MYT1L: variants seen among roughly 807,000 people sequenced by gnomAD.
MYT1L encodes myelin transcription factor 1 like.
MYT1L carries 12 observed loss-of-function variants against 126.7 expected under a neutral mutation model. That is an observed-to-expected ratio of 0.09 (90% CI 0.06 to 0.15). The LOEUF (loss-of-function observed/expected upper bound fraction) is 0.15. MYT1L is among the 10% of genes least tolerant of loss of function. The probability of loss-of-function intolerance (pLI) is 1.00; values close to 1 mark genes in which losing one functional copy is unlikely to be tolerated. For missense variants in MYT1L, 979 were observed against 1,585.2 expected, an observed-to-expected ratio of 0.62 and a Z score of 6.49; for synonymous variants, 541 against 604.2, an observed-to-expected ratio of 0.90 and a Z score of 1.53.
chr2:2,239,498 G>A (rs1368945243), intron 2 of MYT1L, among the ~76,000 whole-genome samples: 1 of 152,188 alleles, frequency 6.6e-6, no homozygotes, highest in East Asian at 1.9e-4. Flanking sequence ...GCAGTTACTG[G>A]TTACTTATAG....
chr2:2,138,845 TA>T (rs762275890), intron 3 of MYT1L, among the ~76,000 whole-genome samples: 8,286 of 129,800 alleles, frequency 0.064, 237 homozygotes, highest in Non-Finnish European at 0.077. Flanking sequence ...AAAGTATAAT[TA>T]AAAAAAAAAA....
chr2:1,800,391 G>C (rs541416495), intron 23 of MYT1L: 1 of 152,372 alleles, frequency 6.6e-6, no homozygotes, highest in East Asian at 1.9e-4. Flanking sequence ...ACAGCCCCTG[G>C]GGCTACCAGG....
intron 21 of MYT1L, among the ~76,000 whole-genome samples, chr2:1,823,320 C>T (rs2038825347): frequency 6.6e-6 from 1 of 152,192 alleles, no homozygotes; most frequent in African/African-American, 2.4e-5. Context: ...GCTGTTGTTG[C>T]TGTGGTTGTG....
intron 3 of MYT1L, among the ~76,000 whole-genome samples, chr2:2,116,754 A>G (rs552244850): frequency 1.3e-4 from 20 of 152,336 alleles, no homozygotes; most frequent in African/African-American, 4.1e-4. Flanking sequence ...TGACCACCTT[A>G]GGACCACCAG....
At chr2:2,147,047 C>G (rs1015946666) in intron 3 of MYT1L, among the ~76,000 whole-genome samples, 2 of 152,198 alleles carry the variant, frequency 1.3e-5, no homozygotes, top group African/African-American at 4.8e-5. Context: ...AATTGGGCTG[C>G]TGCAGTTATT....
chr2:2,272,401 G>T (rs549822244), intron 2 of MYT1L, among the ~76,000 whole-genome samples: 92 of 152,324 alleles, frequency 6.0e-4, no homozygotes, highest in African/African-American at 2.2e-3. Context: ...CAGAGGTGCT[G>T]CCTGCCCAAG....
chr2:2,227,986 CT>C (rs2094057156), intron 2 of MYT1L, among the ~76,000 whole-genome samples: 1 of 152,224 alleles, frequency 6.6e-6, no homozygotes, highest in South Asian at 2.1e-4. Context: ...TTAACTCCAT[CT>C]TGCAGTTGAG....
At chr2:1,843,332 G>A (rs994383031) in intron 19 of MYT1L, among the ~76,000 whole-genome samples, 13 of 152,196 alleles carry the variant, frequency 8.5e-5, no homozygotes, top group Non-Finnish European at 1.6e-4. Flanking sequence ...TTCCTAGCCC[G>A]ACGCCTTGCA....
intron 4 of MYT1L, among the ~76,000 whole-genome samples, chr2:2,009,648 A>AC (rs2063631472): frequency 5.3e-5 from 8 of 152,238 alleles, no homozygotes; most frequent in Admixed American, 5.2e-4. Context: ...ATCTGCAAAT[A>AC]GAGAAATGCT....
At chr2:2,157,279 C>T (rs1009813832) in intron 3 of MYT1L, among the ~76,000 whole-genome samples, 2 of 152,100 alleles carry the variant, frequency 1.3e-5, no homozygotes, top group African/African-American at 4.8e-5. Context: ...AGATATAAGG[C>T]ATTATTATTA....
intron 3 of MYT1L, among the ~76,000 whole-genome samples, chr2:2,054,828 G>C (rs2069288481): frequency 6.6e-6 from 1 of 151,910 alleles, no homozygotes; most frequent in Non-Finnish European, 1.5e-5. Context: ...GGAACACACA[G>C]AGATGATGAG....
chr2:1,795,959 G>A (rs572611988), intron 23 of MYT1L, among the ~76,000 whole-genome samples: 111 of 152,274 alleles, frequency 7.3e-4, no homozygotes, highest in African/African-American at 2.6e-3. Flanking sequence ...AGTAGAGAAA[G>A]GTCAAATCTA....
In MYT1L at chr2:2,177,509, G is replaced by A. The variant is rs185167447; in HGVS notation, c.-420-4521C>T. On this transcript the variant is annotated intron_variant, in intron 2 of 24. Transcript: ENST00000647738. ...ACAACCTAGAACCTAGGGTGTATTC[G>A]TCTGTTCTCACACTGCTAGAAAGAA... is the stretch of plus-strand genomic sequence containing the variant. Among the ~76,000 whole-genome samples, 175 of 152,268 alleles carry A rather than the reference G, an allele frequency of 1.1e-3. 1 individual carries two copies. The highest frequency in any genetic ancestry group is 4.0e-3 in the African/African-American group (165 of 41,572).
chr2:1,839,482 C>T (rs2041362412), intron 20 of MYT1L, 112 bp from the exon 21 acceptor site: 1 of 912,364 alleles, frequency 1.1e-6, no homozygotes, highest in Non-Finnish European at 1.7e-6. Context: ...ACCATGCCCT[C>T]CTGGCTGGGC....
chr2:1,813,862 C>T lies in MYT1L; in HGVS notation c.3081-4695G>A, dbSNP rs1364710907. 1.3e-4 allele frequency among the ~76,000 whole-genome samples: 12 copies of T among 92,956 alleles called. 1 individual carries two copies. The highest frequency in any genetic ancestry group is 1.8e-4 in the Non-Finnish European group (8 of 44,114). 61.0% of individuals were successfully genotyped at this position (92,956 alleles called of 152,430 possible). On this transcript the variant is annotated intron_variant, in intron 21 of 24. Coordinates refer to ENST00000647738, the MANE Select transcript of MYT1L (RefSeq NM_001303052.2). ...CTAACACGGTGAAACCCCGTCTGTA[C>T]TAGAAATACAAAAAATTAGCCGGGC...
intron 3 of MYT1L, among the ~76,000 whole-genome samples, chr2:2,076,427 A>G (rs1399828275): frequency 6.6e-6 from 1 of 152,196 alleles, no homozygotes; most frequent in African/African-American, 2.4e-5. Flanking sequence ...ATTTAATAAA[A>G]TCCTCTGGCT....
rs1045769707 is a variant in MYT1L, at chr2:1,850,039, G to GC, written c.2774+1601_2774+1602insG. On this transcript the variant is annotated intron_variant, in intron 19 of 24. Coordinates refer to ENST00000647738, the MANE Select transcript of MYT1L (RefSeq NM_001303052.2). ...TCTAGGGGGCGGGGTGGTGAGGGGG[G>GC]GGCCATTATCCACTGCTGACAGTGT... Among the ~76,000 whole-genome samples the GC allele has an allele frequency of 3.3e-5, 5 of 150,536 alleles. 1 individual carries two copies. Among genetic ancestry groups the GC allele is most frequent in the African/African-American group, 1.2e-4 (5 of 40,778 alleles).
In MYT1L at chr2:2,086,808, G is replaced by C. The variant is rs73911340; in HGVS notation, c.-303-32685C>G. On this transcript the variant is annotated intron_variant, in intron 3 of 24. Coordinates refer to ENST00000647738, the MANE Select transcript of MYT1L (RefSeq NM_001303052.2). ...TCTCCTTATTTGTTAGACACCTTTG[G>C]CTTCTTCTTTTTCCTCCTGAAGTTC... Among the ~76,000 whole-genome samples, 1,319 of 152,180 alleles carry C rather than the reference G, an allele frequency of 8.7e-3. 21 individuals carry two copies. The highest frequency in any genetic ancestry group is 0.027 in the African/African-American group (1,103 of 41,498).
At position 2,004,519 on chromosome 2, in the gene MYT1L, T is replaced by C. The variant is rs185765129; in HGVS notation, c.-157-7172A>G. 5.4e-5 allele frequency among the ~76,000 whole-genome samples: 8 copies of C among 148,124 alleles called. No individual in the cohort carries two copies. In the East Asian group the frequency reaches 1.0e-3, roughly 19 times the overall value. ...CAGGCATTCTTTCCTGCAGGCATTATTTCCTGCATACGTTCTTTCCTGCAT... is the reference window on the plus strand; with the variant it reads ...CAGGCATTCTTTCCTGCAGGCATTACTTCCTGCATACGTTCTTTCCTGCAT... On this transcript the variant is annotated intron_variant, in intron 4 of 24. Coordinates refer to ENST00000647738, the MANE Select transcript of MYT1L (RefSeq NM_001303052.2).
Sources: allele counts gnomAD v4.1 joint callset (sites outside exome capture counted in the v4.1 genomes callset), GRCh38; gene constraint gnomAD v4.1.1; transcripts MANE v1.5; gene names NCBI Gene and HGNC (gene_info 2026-07-23, HGNC 2026-07-21).